PRKAA1: variants seen among roughly 807,000 people sequenced by gnomAD.
PRKAA1 encodes the protein protein kinase AMP-activated catalytic subunit alpha 1, also known as 5'-AMP-activated protein kinase catalytic subunit alpha-1.
In PRKAA1, 23 loss-of-function variants were observed where a neutral mutation model predicts 56.9. That is an observed-to-expected ratio of 0.40 (90% confidence interval 0.29 to 0.57). The LOEUF is 0.57. Among genes scored for constraint, PRKAA1 ranks in the 20% least tolerant of loss-of-function variants. The pLI is 0.39. For synonymous variants in PRKAA1, 226 were observed against 227.0 expected (o/e 1.00, Z 0.04); for missense variants, 413 against 679.7 (o/e 0.61, Z 4.36).
chr5:40,762,892 G>A lies in PRKAA1; in HGVS notation c.1566C>T (p.Thr522=), dbSNP rs17848594. 5.0e-6 allele frequency: 8 copies of A among 1,614,046 alleles called. No homozygotes were observed. The highest frequency in any genetic ancestry group is 6.8e-6 in the Non-Finnish European group (8 of 1,180,042). Residue 522 remains threonine, a synonymous_variant, in exon 9 of 9, where the codon ACC becomes ACT. Transcript: ENST00000397128. ...AQGKSSEVSL[T]SSVTSLDSSP... ...AAGAGTCAAGTGAGGTCACAGATGA[G>A]GTAAGAGAAACTTCTGAGGATTTTC...
intron 1 of PRKAA1, among the ~76,000 whole-genome samples, chr5:40,780,687 T>C (rs749751869): frequency 5.9e-5 from 9 of 152,090 alleles, no homozygotes; most frequent in Non-Finnish European, 1.3e-4. Flanking sequence ...AGAGTCCAAA[T>C]GCCAACAAGC....
Position 40,764,601 on chromosome 5 carries a change from G to T in PRKAA1, c.1348C>A (p.Pro450Thr), listed in dbSNP as rs778987497. ...PYYLRVRRKN[P>T]VTSTYSKMSL... ...ATTTTGGAGTAAGTGCTTGTCACAG[G>T]ATTCTTCCTTCGTACACGCAAATAA... is the stretch of plus-strand genomic sequence containing the variant. The change falls in exon 8 of 9, where the codon CCT becomes ACT. Residue 450 changes from proline (P) to threonine (T), a missense_variant. Physicochemically the swap from Pro to Thr is conservative, Grantham distance 38. Transcript: ENST00000397128. The T allele has an allele frequency of 6.2e-6, 10 of 1,613,830 alleles. No homozygotes were observed. In the African/African-American group the frequency reaches 1.3e-4, roughly 22 times the overall value.
chr5:40,778,778 AATTT>A (rs1744134587), intron 1 of PRKAA1, among the ~76,000 whole-genome samples: 1 of 96,848 alleles, frequency 1.0e-5, no homozygotes, highest in Admixed American at 1.2e-4. Flanking sequence ...CCTGTTTTTT[AATTT>A]TTTTTTTTTT....
rs1033125825 is a variant in PRKAA1 at position 40,798,186 on chromosome 5, G to T, written c.4C>A (p.Arg2Ser). 5.9e-6 allele frequency: 9 copies of T among 1,536,022 alleles called. No individual in the cohort carries two copies. Among genetic ancestry groups the T allele is most frequent in the South Asian group, 1.2e-5 (1 of 86,774 alleles). The change falls in exon 1 of 9, where the codon CGC becomes AGC. Residue 2 changes from arginine to serine, a missense_variant. Around this residue, in one of 9 missense-constraint regions of PRKAA1, gnomAD observed 61 missense variants for 73.1 expected, o/e 0.83. Coordinates refer to ENST00000397128, the MANE Select transcript of PRKAA1 (RefSeq NM_006251.6). Reference sequence around the variant, plus strand: ...ATCTTTCTCCAGGAACTGAGTCTGCGCATGGCGCTGCGGGAGGGGGCGGAG... The same window carrying T: ...ATCTTTCTCCAGGAACTGAGTCTGCTCATGGCGCTGCGGGAGGGGGCGGAG... M[R>S]RLSSWRKMAT...
In PRKAA1 at chr5:40,761,319, C is replaced by T. The variant is rs887902922; in HGVS notation, c.*1459G>A. On this transcript the variant is annotated 3_prime_UTR_variant, in exon 9 of 9. Transcript: ENST00000397128. ...AATTATTACTTTTACAATGGTATTA[C>T]GGATTTTTAGGAGAATGTCATTATC... 2.0e-5 allele frequency: 3 copies of T among 151,888 alleles called. No individual in the cohort carries two copies. The highest frequency in any genetic ancestry group is 4.2e-4 in the South Asian group (2 of 4,818). The allele number at this position is 151,888 out of a possible 1,614,324, so 9.4% of individuals were successfully genotyped here.
intron 1 of PRKAA1, among the ~76,000 whole-genome samples, chr5:40,777,902 G>A (rs960235910): frequency 2.6e-5 from 4 of 152,112 alleles, no homozygotes; most frequent in African/African-American, 7.2e-5. Flanking sequence ...GTGAAACCCC[G>A]TTTCTACTAA....
At chr5:40,785,531 C>G (rs1744431602) in intron 1 of PRKAA1, among the ~76,000 whole-genome samples, 1 of 151,874 alleles carries the variant, frequency 6.6e-6, no homozygotes. Context: ...ATTAACCAAC[C>G]ACGCCCAGCC....
intron 1 of PRKAA1, among the ~76,000 whole-genome samples, chr5:40,789,524 T>C (rs1744630444): frequency 6.6e-6 from 1 of 152,172 alleles, no homozygotes; most frequent in Non-Finnish European, 1.5e-5. Context: ...TCCAAAGGAA[T>C]TGAAATCAGT....
At chr5:40,781,820 AAAG>A (rs537388451) in intron 1 of PRKAA1, among the ~76,000 whole-genome samples, 2 of 152,184 alleles carry the variant, frequency 1.3e-5, no homozygotes, top group South Asian at 4.1e-4. Flanking sequence ...TGTATAAGAG[AAAG>A]AAGGAAGGCA....
chr5:40,784,489 T>A (rs1036897257), intron 1 of PRKAA1, among the ~76,000 whole-genome samples: 1 of 152,142 alleles, frequency 6.6e-6, no homozygotes, highest in African/African-American at 2.4e-5. Flanking sequence ...TATATACACA[T>A]AACACCAATC....
intron 1 of PRKAA1, among the ~76,000 whole-genome samples, chr5:40,789,114 G>A (rs1010804284): frequency 2.0e-5 from 3 of 151,878 alleles, no homozygotes; most frequent in Non-Finnish European, 4.4e-5. Flanking sequence ...GGGAGGCAGA[G>A]GTGGGAGGAT....
chr5:40,764,981 G>T lies in PRKAA1; in HGVS notation c.1079C>A (p.Ser360Tyr), dbSNP rs1030169288. The change falls in exon 7 of 9, where the codon TCT (serine) becomes TAT (tyrosine). Residue 360 changes from serine (S) to tyrosine (Y), a missense_variant. Coordinates refer to ENST00000397128, the MANE Select transcript of PRKAA1 (RefSeq NM_006251.6). ...AGTCAGGTGATGATCATCAAGAAAA[G>T]AATCAGGTGGGCTTGTCGCCAAATA... is the stretch of plus-strand genomic sequence containing the variant. ...DFYLATSPPD[S>Y]FLDDHHLTRP... 2 of 1,614,158 alleles carry T rather than the reference G, an allele frequency of 1.2e-6. No individual in the cohort carries two copies. The highest frequency in any genetic ancestry group is 2.2e-5 in the East Asian group (1 of 44,888).
intron 1 of PRKAA1, among the ~76,000 whole-genome samples, chr5:40,784,133 A>C: frequency 6.6e-6 from 1 of 152,202 alleles, no homozygotes; most frequent in Admixed American, 6.5e-5. Flanking sequence ...TTTATTATTT[A>C]GGGTTATTTA....
At chr5:40,793,233 T>C (rs894292606) in intron 1 of PRKAA1, among the ~76,000 whole-genome samples, 2 of 152,122 alleles carry the variant, frequency 1.3e-5, no homozygotes, top group Non-Finnish European at 2.9e-5. Context: ...TGCTCATCCA[T>C]GCTTTTTTTG....
chr5:40,797,760 C>T (rs1744996209), intron 1 of PRKAA1, among the ~76,000 whole-genome samples: 1 of 152,118 alleles, frequency 6.6e-6, no homozygotes, highest in Non-Finnish European at 1.5e-5. Context: ...CCGCGCCGCC[C>T]GCCTGCCCCA....
At chr5:40,789,886 GC>G (rs954196181) in intron 1 of PRKAA1, among the ~76,000 whole-genome samples, 2 of 152,138 alleles carry the variant, frequency 1.3e-5, no homozygotes, top group African/African-American at 4.8e-5. Context: ...ATCACATTGT[GC>G]CCCATAAATA....
chr5:40,792,424 CG>C (rs1184334334), intron 1 of PRKAA1, among the ~76,000 whole-genome samples: 1 of 152,092 alleles, frequency 6.6e-6, no homozygotes, highest in East Asian at 1.9e-4. Flanking sequence ...ATTTCATACA[CG>C]AGTACATCTA....
Position 40,762,438 on chromosome 5 carries a change from A to G in PRKAA1, c.*340T>C, listed in dbSNP as rs1433970741. 1 of 209,422 alleles carries G rather than the reference A, an allele frequency of 4.8e-6. No individual in the cohort carries two copies. The highest frequency in any genetic ancestry group is 9.8e-6 in the Non-Finnish European group (1 of 102,104). 13.0% of individuals were successfully genotyped at this position (209,422 alleles called of 1,614,324 possible). A position where few individuals can be genotyped will look rare whatever the true frequency, so the allele number is the denominator to read the frequency against. ...AATAAATTTATAACACGTAATATAT[A>G]ACACGTAATAATATATGAAGGCCTT... On this transcript the variant is annotated 3_prime_UTR_variant, in exon 9 of 9. Transcript: ENST00000397128.
intron 1 of PRKAA1, among the ~76,000 whole-genome samples, chr5:40,779,313 C>T (rs937145886): frequency 6.6e-6 from 1 of 151,750 alleles, no homozygotes; most frequent in Non-Finnish European, 1.5e-5. Flanking sequence ...AATCACAATC[C>T]CAAAAGAACA....
Sources: allele counts gnomAD v4.1 joint callset (sites outside exome capture counted in the v4.1 genomes callset), GRCh38; gene constraint gnomAD v4.1.1; regional missense constraint gnomAD v4.1.1; transcripts MANE v1.5; gene names NCBI Gene and HGNC (gene_info 2026-07-23, HGNC 2026-07-21).